The following RIMKLA variants were observed in gnomAD, a reference collection of about 807,000 sequenced individuals.
The protein encoded by RIMKLA is ribosomal modification protein rimK like family member A, also known as N-acetylaspartylglutamate synthase A.
Under a neutral mutation model 32.7 loss-of-function variants are expected in RIMKLA, and 14 were observed. That is an observed-to-expected ratio of 0.43 (90% CI 0.28 to 0.67). The LOEUF (loss-of-function observed/expected upper bound fraction) is 0.67. RIMKLA is among the 30% of genes least tolerant of loss of function. The pLI is 0.18. For synonymous variants in RIMKLA, 176 were observed against 204.1 expected, an observed-to-expected ratio of 0.86 and a Z score of 1.18; for missense variants, 410 against 519.0, an observed-to-expected ratio of 0.79 and a Z score of 2.04.
chr1:42,390,602 G>A (rs943377676), intron 1 of RIMKLA, among the ~76,000 whole-genome samples: 8 of 152,296 alleles, frequency 5.3e-5, no homozygotes, highest in Middle Eastern at 3.4e-3. Flanking sequence ...GTGATAGTGG[G>A]AACTTACAGA....
chr1:42,416,265 T>C lies in RIMKLA; in HGVS notation c.*1291T>C, dbSNP rs1443838616. The C allele has an allele frequency of 2.0e-5, 3 of 152,316 alleles. No individual in the cohort carries two copies. Among genetic ancestry groups the C allele is most frequent in the South Asian group, 4.1e-4 (2 of 4,826 alleles). The allele number at this position is 152,316 out of a possible 1,614,324, so 9.4% of individuals were successfully genotyped here. A position where few individuals can be genotyped will look rare whatever the true frequency, so the allele number is the denominator to read the frequency against. ...TTTTAACCAAATACACTAGAACATA[T>C]GCACTCAAGAGTTAGCATAATTGGA... On this transcript the variant is annotated 3_prime_UTR_variant, in exon 5 of 5. Coordinates refer to ENST00000431473, the MANE Select transcript of RIMKLA (RefSeq NM_173642.4).
At chr1:42,386,465 A>T (rs1642948141) in intron 1 of RIMKLA, among the ~76,000 whole-genome samples, 1 of 152,020 alleles carries the variant, frequency 6.6e-6, no homozygotes, top group African/African-American at 2.4e-5. Flanking sequence ...CATTGTCCCG[A>T]GAAACAATTA....
rs1643302296 is a variant in RIMKLA, at chr1:42,422,311, A to G, written c.*7337A>G. On this transcript the variant is annotated 3_prime_UTR_variant, in exon 5 of 5. Coordinates refer to ENST00000431473, the MANE Select transcript of RIMKLA (RefSeq NM_173642.4). Reference sequence around the variant, plus strand: ...AGAAAGATGTTTACTTTGCTACTAAACTTATTGGAGTGATTTGTAAAGTTC... The same window carrying G: ...AGAAAGATGTTTACTTTGCTACTAAGCTTATTGGAGTGATTTGTAAAGTTC... The G allele has an allele frequency of 6.6e-6, 1 of 152,192 alleles. No homozygotes were observed. The highest frequency in any genetic ancestry group is 1.5e-5 in the Non-Finnish European group (1 of 68,040). 9.4% of individuals were successfully genotyped at this position (152,192 alleles called of 1,614,324 possible).
chr1:42,397,325 C>T (rs1321268287), intron 1 of RIMKLA, among the ~76,000 whole-genome samples: 1 of 152,170 alleles, frequency 6.6e-6, no homozygotes, highest in Non-Finnish European at 1.5e-5. Flanking sequence ...TTCATTAGCA[C>T]CCTTTTCCCC....
chr1:42,390,716 A>G (rs1280568958), intron 1 of RIMKLA, among the ~76,000 whole-genome samples: 1 of 152,168 alleles, frequency 6.6e-6, no homozygotes, highest in African/African-American at 2.4e-5. Flanking sequence ...AGTGTGAAAT[A>G]GTGTTGTGGT....
At position 42,416,087 on chromosome 1, in the gene RIMKLA, C is replaced by CGGGGGG. The variant is rs58989720; in HGVS notation, c.*1119_*1124dup. On this transcript the variant is annotated 3_prime_UTR_variant, in exon 5 of 5. Transcript: ENST00000431473. ...CAGGAATTACCCATTGCACATTTTG[C>CGGGGGG]GGGGGGGGGGGCTAATGTAGACATG... The CGGGGGG allele has an allele frequency of 1.3e-4, 12 of 95,796 alleles. No homozygotes were observed. The highest frequency in any genetic ancestry group is 7.3e-4 in the South Asian group (2 of 2,724). 5.9% of individuals were successfully genotyped at this position (95,796 alleles called of 1,614,324 possible). A position where few individuals can be genotyped will look rare whatever the true frequency, so the allele number is the denominator to read the frequency against.
intron 2 of RIMKLA, 52 bp from the exon 3 acceptor site, chr1:42,404,459 C>G: frequency 2.4e-6 from 3 of 1,266,736 alleles, no homozygotes; most frequent in South Asian, 2.4e-5. Flanking sequence ...CTGGGGTGAC[C>G]GCTACCTGAC....
chr1:42,404,154 T>G (rs1643124513), intron 2 of RIMKLA, among the ~76,000 whole-genome samples: 1 of 152,186 alleles, frequency 6.6e-6, no homozygotes, highest in African/African-American at 2.4e-5. Flanking sequence ...ATTGGTCCCT[T>G]CCACACTTAG....
chr1:42,415,737 G>C lies in RIMKLA; in HGVS notation c.*763G>C, dbSNP rs1643241022. 1 of 152,220 alleles carries C rather than the reference G, an allele frequency of 6.6e-6. No individual in the cohort carries two copies. The highest frequency in any genetic ancestry group is 2.4e-5 in the African/African-American group (1 of 41,452). 9.4% of individuals were successfully genotyped at this position (152,220 alleles called of 1,614,324 possible). On this transcript the variant is annotated 3_prime_UTR_variant, in exon 5 of 5. Transcript: ENST00000431473. ...GCTGGAAATGCACTTCAATGAGCTA[G>C]TGGCCACTCAGTTTATTTCTTAAGC...
rs1012843188 is a variant in RIMKLA, at chr1:42,416,387, A to T, written c.*1413A>T. 1 of 152,224 alleles carries T rather than the reference A, an allele frequency of 6.6e-6. No homozygotes were observed. The allele number at this position is 152,224 out of a possible 1,614,324, so 9.4% of individuals were successfully genotyped here. Reference sequence around the variant, plus strand: ...AAGGCAAGAGGCCTCACAACTTTATAGTCAGACCTTGTGTTTTATCCAACC... The same window carrying T: ...AAGGCAAGAGGCCTCACAACTTTATTGTCAGACCTTGTGTTTTATCCAACC... On this transcript the variant is annotated 3_prime_UTR_variant, in exon 5 of 5. Transcript: ENST00000431473.
intron 3 of RIMKLA, among the ~76,000 whole-genome samples, chr1:42,405,945 A>C (rs983571925): frequency 6.6e-6 from 1 of 152,220 alleles, no homozygotes; most frequent in Non-Finnish European, 1.5e-5. Context: ...GAGCAGAGAA[A>C]GGAGCCTGGG....
intron 1 of RIMKLA, 30 bp downstream of exon 1, chr1:42,381,127 GA>G: frequency 8.0e-7 from 1 of 1,243,036 alleles, no homozygotes; most frequent in Non-Finnish European, 1.0e-6. Flanking sequence ...GGAGGGCAGG[GA>G]GGCGCGCCGG....
At chr1:42,395,256 T>A (rs1389950417) in intron 1 of RIMKLA, among the ~76,000 whole-genome samples, 1 of 152,206 alleles carries the variant, frequency 6.6e-6, no homozygotes, top group Non-Finnish European at 1.5e-5. Flanking sequence ...AAAAAATTGG[T>A]TTTAACTGGG....
At chr1:42,413,509 AAAAAAAAAAAAAAAAG>A (rs1276423567) in intron 4 of RIMKLA, among the ~76,000 whole-genome samples, 12 of 29,100 alleles carry the variant, frequency 4.1e-4, no homozygotes, top group Non-Finnish European at 7.7e-4. Flanking sequence ...CTCAAAAAAA[AAAAAAAAAAAAAAAAG>A]AAAGAAAAAA....
At chr1:42,397,886 A>G (rs1275357221) in intron 1 of RIMKLA, among the ~76,000 whole-genome samples, 3 of 152,122 alleles carry the variant, frequency 2.0e-5, no homozygotes, top group South Asian at 2.1e-4. Flanking sequence ...TGGGTGCACC[A>G]TGGAGACCTA....
intron 1 of RIMKLA, among the ~76,000 whole-genome samples, chr1:42,392,007 C>T (rs1643003771): frequency 6.6e-6 from 1 of 152,164 alleles, no homozygotes; most frequent in Non-Finnish European, 1.5e-5. Context: ...GTTTCAACTT[C>T]TTGAAGGGCC....
In RIMKLA at chr1:42,423,166, C is replaced by T. The variant is rs1643308110; in HGVS notation, c.*8192C>T. Among the ~76,000 whole-genome samples the T allele has an allele frequency of 6.6e-6, 1 of 152,118 alleles. No homozygotes were observed. Among genetic ancestry groups the T allele is most frequent in the African/African-American group, 2.4e-5 (1 of 41,404 alleles). ...CCCCAGCTTCTGAGGGTCAGGGAGT[C>T]CAAATTGAGGTCAGAGCATCAAAGG... On this transcript the variant is annotated 3_prime_UTR_variant, in exon 5 of 5. Coordinates refer to ENST00000431473, the MANE Select transcript of RIMKLA (RefSeq NM_173642.4).
Position 42,416,096 on chromosome 1 carries a change from G to GGGGGC in RIMKLA, c.*1124_*1125insGGCGG, listed in dbSNP as rs1442834977. 67 of 131,748 alleles carry GGGGGC rather than the reference G, an allele frequency of 5.1e-4. 6 individuals are homozygous for GGGGGC. Among genetic ancestry groups the GGGGGC allele is most frequent in the Non-Finnish European group, 1.1e-3 (63 of 58,748 alleles). The allele number at this position is 131,748 out of a possible 1,614,324, so 8.2% of individuals were successfully genotyped here. Reference sequence around the variant, plus strand: ...CCCATTGCACATTTTGCGGGGGGGGGGGCTAATGTAGACATGACACCAAGT... The same window carrying GGGGGC: ...CCCATTGCACATTTTGCGGGGGGGGGGGGGCGGCTAATGTAGACATGACACCAAGT... On this transcript the variant is annotated 3_prime_UTR_variant, in exon 5 of 5. Transcript: ENST00000431473.
intron 1 of RIMKLA, among the ~76,000 whole-genome samples, chr1:42,385,827 C>T (rs188050036): frequency 0.19 from 16,821 of 89,402 alleles, 3,326 homozygotes; most frequent in East Asian, 0.23. Context: ...TTCCTTCCTT[C>T]CTTTCTTTCT....
Sources: allele counts gnomAD v4.1 joint callset (sites outside exome capture counted in the v4.1 genomes callset), GRCh38; gene constraint gnomAD v4.1.1; transcripts MANE v1.5; gene names NCBI Gene and HGNC (gene_info 2026-07-23, HGNC 2026-07-21).